The following PROC variants were observed in gnomAD, a reference collection of about 807,000 sequenced individuals.
PROC encodes the protein protein C, inactivator of coagulation factors Va and VIIIa, also known as vitamin K-dependent protein C.
In PROC, 22 loss-of-function variants were observed where a neutral mutation model predicts 36.3. The ratio of observed to expected loss-of-function variants is 0.61; its 90% CI spans 0.43 to 0.86. The LOEUF (loss-of-function observed/expected upper bound fraction) is 0.86. Ranked by LOEUF, PROC falls within the 40% of genes least tolerant of loss-of-function variation. The pLI is 0.00. For synonymous variants in PROC, 218 were observed against 244.5 expected, an observed-to-expected ratio of 0.89 and a Z score of 1.01; for missense variants, 526 against 629.7, an observed-to-expected ratio of 0.84 and a Z score of 1.76.
chr2:127,427,850 C>T (rs1688623167), intron 8 of PROC, among the ~76,000 whole-genome samples: 1 of 152,244 alleles, frequency 6.6e-6, no homozygotes, highest in Non-Finnish European at 1.5e-5. Context: ...AGGTGCTCTT[C>T]CCAGGGAACC....
intron 6 of PROC, among the ~76,000 whole-genome samples, chr2:127,424,402 T>A (rs962254925): frequency 6.6e-6 from 1 of 152,116 alleles, no homozygotes; most frequent in Non-Finnish European, 1.5e-5. Context: ...TTTCTCCGTG[T>A]TGGTCAAGCT....
chr2:127,422,405 C>T (rs112729267), intron 3 of PROC, among the ~76,000 whole-genome samples: 2 of 152,274 alleles, frequency 1.3e-5, no homozygotes, highest in African/African-American at 4.8e-5. Flanking sequence ...TGGGTCTCAA[C>T]GTGGGCTGGG....
Position 127,429,056 on chromosome 2 carries a change from T to A in PROC, c.*110T>A. On this transcript the variant is annotated 3_prime_UTR_variant, in exon 9 of 9. Coordinates refer to ENST00000234071, the MANE Select transcript of PROC (RefSeq NM_000312.4). ...CTGTCCTTCCATCCCTCTTTTGGGCTCTTCTGGAGGGAAGTAACATTTACT... is the reference window on the plus strand; with the variant it reads ...CTGTCCTTCCATCCCTCTTTTGGGCACTTCTGGAGGGAAGTAACATTTACT... The A allele has an allele frequency of 1.6e-6, 2 of 1,255,908 alleles. No individual in the cohort carries two copies. Among genetic ancestry groups the A allele is most frequent in the South Asian group, 1.2e-5 (1 of 80,126 alleles). The allele number at this position is 1,255,908 out of a possible 1,614,324, so 77.8% of individuals were successfully genotyped here. A position where few individuals can be genotyped will look rare whatever the true frequency, so the allele number is the denominator to read the frequency against.
chr2:127,428,506 G>A lies in PROC; in HGVS notation c.946G>A (p.Val316Met), dbSNP rs762519738. The A allele has an allele frequency of 2.5e-6, 4 of 1,614,100 alleles. No individual in the cohort carries two copies. Among genetic ancestry groups the A allele is most frequent in the East Asian group, 4.5e-5 (2 of 44,886 alleles). ...AQPATLSQTI[V>M]PICLPDSGLA... Reference sequence around the variant, plus strand: ...GCCCGCCACCCTCTCGCAGACCATAGTGCCCATCTGCCTCCCGGACAGCGG... The same window carrying A: ...GCCCGCCACCCTCTCGCAGACCATAATGCCCATCTGCCTCCCGGACAGCGG... Residue 316 changes from valine to methionine, a missense_variant, in exon 9 of 9, where the codon GTG (valine) becomes ATG (methionine). Physicochemically the swap from Val to Met is conservative, Grantham distance 21. Transcript: ENST00000234071.
Position 127,429,024 on chromosome 2 carries a change from T to C in PROC, c.*78T>C. The C allele has an allele frequency of 6.6e-7, 1 of 1,509,654 alleles. No homozygotes were observed. Among genetic ancestry groups the C allele is most frequent in the Non-Finnish European group, 9.2e-7 (1 of 1,089,188 alleles). 93.5% of individuals were successfully genotyped at this position (1,509,654 alleles called of 1,614,324 possible). On this transcript the variant is annotated 3_prime_UTR_variant, in exon 9 of 9. Coordinates refer to ENST00000234071, the MANE Select transcript of PROC (RefSeq NM_000312.4). ...GGGACATGTAACAAGCACACCGGCC[T>C]GCTGTTCTGTCCTTCCATCCCTCTT...
intron 8 of PROC, among the ~76,000 whole-genome samples, chr2:127,427,719 G>A (rs1468740779): frequency 6.6e-6 from 1 of 152,190 alleles, no homozygotes; most frequent in African/African-American, 2.4e-5. Flanking sequence ...CTGGAGGGGG[G>A]GTCTGGCTCA....
At chr2:127,422,965 C>T (rs1163672733) in intron 4 of PROC, 24 bp downstream of exon 4, 1 of 1,609,252 alleles carries the variant, frequency 6.2e-7, no homozygotes, top group South Asian at 1.1e-5. Context: ...AGATCCCCGG[C>T]TGGACTACCG....
chr2:127,428,223 C>A, intron 8 of PROC, 134 bp from the exon 9 acceptor site: 1 of 854,216 alleles, frequency 1.2e-6, no homozygotes, highest in Non-Finnish European at 1.9e-6. Flanking sequence ...CGTGTGGGTG[C>A]ACAGTCTCCG....
chr2:127,427,976 C>T (rs1201165706), intron 8 of PROC, among the ~76,000 whole-genome samples: 1 of 152,176 alleles, frequency 6.6e-6, no homozygotes, highest in Non-Finnish European at 1.5e-5. Flanking sequence ...GGGGTCTCTC[C>T]AGCTACCTTT....
At position 127,429,035 on chromosome 2, in the gene PROC, C is replaced by A; in HGVS notation, c.*89C>A. 7.0e-7 allele frequency: 1 copy of A among 1,438,648 alleles called. No individual in the cohort carries two copies. Among genetic ancestry groups the A allele is most frequent in the Non-Finnish European group, 9.7e-7 (1 of 1,028,418 alleles). The allele number at this position is 1,438,648 out of a possible 1,614,324, so 89.1% of individuals were successfully genotyped here. A position where few individuals can be genotyped will look rare whatever the true frequency, so the allele number is the denominator to read the frequency against. On this transcript the variant is annotated 3_prime_UTR_variant, in exon 9 of 9. Transcript: ENST00000234071. ...CAAGCACACCGGCCTGCTGTTCTGT[C>A]CTTCCATCCCTCTTTTGGGCTCTTC...
At chr2:127,427,329 G>A in intron 8 of PROC, 107 bp downstream of exon 8, 1 of 966,784 alleles carries the variant, frequency 1.0e-6, no homozygotes. Flanking sequence ...TTAAGCAAGA[G>A]GCTTCTTGAG....
chr2:127,428,355 A>C lies in PROC; in HGVS notation c.797-2A>C, dbSNP rs1186036467. Reference sequence around the variant, plus strand: ...ACTCTGACTGTGCCCTCTGCCCTGCAGGAGAGTATGACCTGCGGCGCTGGG... The same window carrying C: ...ACTCTGACTGTGCCCTCTGCCCTGCCGGAGAGTATGACCTGCGGCGCTGGG... On this transcript the variant is annotated splice_acceptor_variant, in intron 8 of 8. Coordinates refer to ENST00000234071, the MANE Select transcript of PROC (RefSeq NM_000312.4). LOFTEE classifies it high-confidence loss of function. 1 of 1,613,596 alleles carries C rather than the reference A, an allele frequency of 6.2e-7. No homozygotes were observed. The highest frequency in any genetic ancestry group is 8.5e-7 in the Non-Finnish European group (1 of 1,179,946).
rs1326161531 is a variant in PROC at position 127,423,080 on chromosome 2, C to G, written c.309C>G (p.Ser103Arg). Residue 103 changes from serine (S) to arginine (R), a missense_variant, in exon 5 of 9, where the codon AGC becomes AGG. Coordinates refer to ENST00000234071, the MANE Select transcript of PROC (RefSeq NM_000312.4). ...TGCCCTTGGAGCACCCGTGCGCCAG[C>G]CTGTGCTGCGGGCACGGCACGTGCA... is the stretch of plus-strand genomic sequence containing the variant. ...LVLPLEHPCASLCCGHGTCID... is the reference protein window; with the variant it reads ...LVLPLEHPCARLCCGHGTCID... The G allele has an allele frequency of 1.2e-6, 2 of 1,611,842 alleles. No individual in the cohort carries two copies. The highest frequency in any genetic ancestry group is 2.7e-5 in the African/African-American group (2 of 74,896).
At chr2:127,423,673 G>C in intron 6 of PROC, 1 of 502,706 alleles carries the variant, frequency 2.0e-6, no homozygotes. Flanking sequence ...CTGCGCACCT[G>C]GGGCCACCTC....
rs1688502423 is a variant in PROC at position 127,426,407 on chromosome 2, C to G, written c.678+180C>G. On this transcript the variant is annotated intron_variant, in intron 7 of 8. Coordinates refer to ENST00000234071, the MANE Select transcript of PROC (RefSeq NM_000312.4). The surrounding 1 kb of genome is among the most constrained non-coding windows in gnomAD (Gnocchi z 7.0). ...ACGCAACCTGAGGGGAGAGGAGCAG[C>G]CAGGGTGGGTGAGGGGAGGGGCATG... The G allele has an allele frequency of 1.1e-6, 1 of 874,114 alleles. No individual in the cohort carries two copies. Among genetic ancestry groups the G allele is most frequent in the African/African-American group, 1.7e-5 (1 of 60,118 alleles). The allele number at this position is 874,114 out of a possible 1,614,324, so 54.1% of individuals were successfully genotyped here. A position where few individuals can be genotyped will look rare whatever the true frequency, so the allele number is the denominator to read the frequency against.
At position 127,426,442 on chromosome 2, in the gene PROC, A is replaced by C. The variant is rs1461484718; in HGVS notation, c.678+215A>C. 4.9e-6 allele frequency: 3 copies of C among 608,466 alleles called. No individual in the cohort carries two copies. Among genetic ancestry groups the C allele is most frequent in the African/African-American group, 3.7e-5 (2 of 53,976 alleles). The allele number at this position is 608,466 out of a possible 1,614,324, so 37.7% of individuals were successfully genotyped here. ...TGAGGGGAGGGGCATGGGGGCATGG[A>C]GGGGTCTGCAGGAGGGAGGGTTACA... On this transcript the variant is annotated intron_variant, in intron 7 of 8. Transcript: ENST00000234071. The surrounding 1 kb of genome is among the most constrained non-coding windows in gnomAD (Gnocchi z 7.0).
rs1274150728 is a variant in PROC, at chr2:127,429,028, G to C, written c.*82G>C. On this transcript the variant is annotated 3_prime_UTR_variant, in exon 9 of 9. Coordinates refer to ENST00000234071, the MANE Select transcript of PROC (RefSeq NM_000312.4). ...CATGTAACAAGCACACCGGCCTGCTGTTCTGTCCTTCCATCCCTCTTTTGG... is the reference window on the plus strand; with the variant it reads ...CATGTAACAAGCACACCGGCCTGCTCTTCTGTCCTTCCATCCCTCTTTTGG... 5.3e-6 allele frequency: 8 copies of C among 1,498,268 alleles called. No homozygotes were observed. In the African/African-American group the frequency reaches 5.5e-5, roughly 10 times the overall value. 92.8% of individuals were successfully genotyped at this position (1,498,268 alleles called of 1,614,324 possible).
Position 127,428,418 on chromosome 2 carries a change from C to T in PROC, c.858C>T (p.Phe286=), listed in dbSNP as rs897877342. Reference sequence around the variant, plus strand: ...TGGACCTGGACATCAAGGAGGTCTTCGTCCACCCCAACTACAGCAAGAGCA... The same window carrying T: ...TGGACCTGGACATCAAGGAGGTCTTTGTCCACCCCAACTACAGCAAGAGCA... The part of the protein sequence containing the change: ...WELDLDIKEV[F]VHPNYSKSTT... The change falls in exon 9 of 9, where the codon TTC becomes TTT. Residue 286 remains phenylalanine (F), a synonymous_variant. Coordinates refer to ENST00000234071, the MANE Select transcript of PROC (RefSeq NM_000312.4). 7.4e-6 allele frequency: 12 copies of T among 1,614,136 alleles called. No homozygotes were observed. Among genetic ancestry groups the T allele is most frequent in the Non-Finnish European group, 9.3e-6 (11 of 1,180,020 alleles).
intron 6 of PROC, among the ~76,000 whole-genome samples, chr2:127,423,815 CT>C (rs777670598): frequency 2.6e-5 from 4 of 152,264 alleles, no homozygotes; most frequent in Non-Finnish European, 5.9e-5. Context: ...GCATTTCCCT[CT>C]TTACCCCCTT....
Sources: allele counts gnomAD v4.1 joint callset (sites outside exome capture counted in the v4.1 genomes callset), GRCh38; gene constraint gnomAD v4.1.1; non-coding constraint Gnocchi (gnomAD v3.1); transcripts MANE v1.5; gene names NCBI Gene and HGNC (gene_info 2026-07-23, HGNC 2026-07-21).